Variants in LINGO2 observed in about 807,000 individuals in gnomAD.
LINGO2 encodes leucine rich repeat and Ig domain containing 2.
A neutral mutation model predicts 30.6 loss-of-function variants in LINGO2; 14 were observed. The observed-to-expected ratio is 0.46, with a 90% CI of 0.30 to 0.72. The LOEUF (loss-of-function observed/expected upper bound fraction) is 0.72. Among genes scored for constraint, LINGO2 ranks in the 30% least tolerant of loss-of-function variants. The pLI is 0.07. For missense variants in LINGO2, 729 were observed against 751.7 expected, an observed-to-expected ratio of 0.97 and a Z score of 0.35; for synonymous variants, 317 against 288.5, an observed-to-expected ratio of 1.10 and a Z score of -1.00.
At chr9:28,186,285 G>C (rs1819539908) in intron 4 of LINGO2, among the ~76,000 whole-genome samples, 1 of 152,130 alleles carries the variant, frequency 6.6e-6, no homozygotes, top group Non-Finnish European at 1.5e-5. Context: ...AAGAGGCGCT[G>C]ATTCTATTCA....
chr9:28,719,551 T>C, the LINGO2 span, among the ~76,000 whole-genome samples: 1 of 152,066 alleles, frequency 6.6e-6, no homozygotes, highest in African/African-American at 2.4e-5. Flanking sequence ...CCCTCTTTGT[T>C]CAGACACTCC....
chr9:27,972,519 C>T (rs1820405354), intron 5 of LINGO2, among the ~76,000 whole-genome samples: 1 of 152,196 alleles, frequency 6.6e-6, no homozygotes, highest in Non-Finnish European at 1.5e-5. Context: ...ATCCACAGTG[C>T]AGAGTCTGGA....
the LINGO2 span, among the ~76,000 whole-genome samples, chr9:28,796,696 T>C: frequency 3.3e-5 from 5 of 152,176 alleles, no homozygotes; most frequent in African/African-American, 1.2e-4. Flanking sequence ...AATAAGAGGA[T>C]TCTAAATTTT....
At chr9:28,630,249 A>T (rs1036689094) in intron 1 of LINGO2, among the ~76,000 whole-genome samples, 3 of 152,084 alleles carry the variant, frequency 2.0e-5, no homozygotes, top group Non-Finnish European at 4.4e-5. Flanking sequence ...AGAAAAAAAA[A>T]AGTTTCAGTA....
chr9:28,428,419 A>T (rs1484209402), intron 2 of LINGO2, among the ~76,000 whole-genome samples: 2 of 152,204 alleles, frequency 1.3e-5, no homozygotes, highest in Non-Finnish European at 2.9e-5. Context: ...GAGGAAGGAA[A>T]GTATGAGATT....
the LINGO2 span, among the ~76,000 whole-genome samples, chr9:28,855,559 T>C: frequency 6.6e-6 from 1 of 151,996 alleles, no homozygotes; most frequent in Non-Finnish European, 1.5e-5. Flanking sequence ...TATTCATTTT[T>C]ATACATTTTA....
the LINGO2 span, among the ~76,000 whole-genome samples, chr9:29,146,192 C>T: frequency 1.0e-3 from 157 of 152,124 alleles, 1 homozygote; most frequent in Middle Eastern, 0.017. Flanking sequence ...CCCGTCTCTA[C>T]TAAAAATACA....
At chr9:27,985,075 G>A (rs1190364948) in intron 5 of LINGO2, among the ~76,000 whole-genome samples, 1 of 151,788 alleles carries the variant, frequency 6.6e-6, no homozygotes, top group Non-Finnish European at 1.5e-5. Context: ...AACAGTTTAG[G>A]TGTGATATAA....
chr9:28,613,735 T>G (rs1055370790), intron 1 of LINGO2, among the ~76,000 whole-genome samples: 5 of 152,272 alleles, frequency 3.3e-5, no homozygotes, highest in Admixed American at 1.3e-4. Flanking sequence ...TGCCAAAGAC[T>G]GATTCTGTTT....
the LINGO2 span, among the ~76,000 whole-genome samples, chr9:28,831,077 G>T: frequency 2.0e-5 from 3 of 152,088 alleles, no homozygotes; most frequent in Admixed American, 2.0e-4. Context: ...GGTATGTAAG[G>T]GATTCTGCAA....
the LINGO2 span, among the ~76,000 whole-genome samples, chr9:29,170,837 T>A: frequency 6.6e-6 from 1 of 151,992 alleles, no homozygotes; most frequent in Non-Finnish European, 1.5e-5. Flanking sequence ...AAAATACAAA[T>A]AAAATAAATA....
the LINGO2 span, among the ~76,000 whole-genome samples, chr9:28,988,619 A>G: frequency 6.6e-6 from 1 of 152,216 alleles, no homozygotes; most frequent in East Asian, 1.9e-4. Context: ...CAGGTGATCT[A>G]GCCATACAGT....
chr9:28,818,700 T>C, the LINGO2 span, among the ~76,000 whole-genome samples: 1 of 152,176 alleles, frequency 6.6e-6, no homozygotes, highest in Non-Finnish European at 1.5e-5. Context: ...CTCATTCTTT[T>C]ATCATTTTAC....
At chr9:28,896,220 T>C in the LINGO2 span, among the ~76,000 whole-genome samples, 167 of 152,242 alleles carry the variant, frequency 1.1e-3, 1 homozygote, top group Non-Finnish European at 1.4e-3. Flanking sequence ...GCAGGCAACT[T>C]TGTTGTGTTC....
chr9:28,570,099 T>A (rs995113301), intron 1 of LINGO2, among the ~76,000 whole-genome samples: 5 of 151,826 alleles, frequency 3.3e-5, no homozygotes, highest in African/African-American at 4.8e-5. Flanking sequence ...AACAAATATT[T>A]TTAAAACAGA....
At chr9:28,434,672 A>AT (rs1357030494) in intron 2 of LINGO2, among the ~76,000 whole-genome samples, 6 of 152,016 alleles carry the variant, frequency 3.9e-5, no homozygotes, top group Non-Finnish European at 8.8e-5. Context: ...TCAAGGCCAA[A>AT]TTTTTTATCA....
chr9:28,395,371 A>G (rs1251818133), intron 2 of LINGO2, among the ~76,000 whole-genome samples: 3 of 152,226 alleles, frequency 2.0e-5, no homozygotes, highest in Non-Finnish European at 2.9e-5. Context: ...ATTTTACCCA[A>G]TCACTGGCAT....
the LINGO2 span, among the ~76,000 whole-genome samples, chr9:28,812,193 G>C: frequency 7.2e-5 from 11 of 152,012 alleles, no homozygotes; most frequent in African/African-American, 2.4e-4. Context: ...ACTAAAGAGA[G>C]GAGAAGGGCT....
chr9:28,073,810 T>G (rs1825549017), intron 4 of LINGO2, among the ~76,000 whole-genome samples: 1 of 152,122 alleles, frequency 6.6e-6, no homozygotes, highest in East Asian at 1.9e-4. Flanking sequence ...GGAGGATGGG[T>G]TGAGGCCAGG....
Sources: allele counts gnomAD v4.1 joint callset (sites outside exome capture counted in the v4.1 genomes callset), GRCh38; gene constraint gnomAD v4.1.1; transcripts MANE v1.5; gene names NCBI Gene and HGNC (gene_info 2026-07-23, HGNC 2026-07-21).